Variants in CDC42BPA observed in about 807,000 individuals in gnomAD.
CDC42BPA encodes CDC42 binding protein kinase alpha, also known as serine/threonine-protein kinase MRCK alpha.
A neutral mutation model predicts 223.5 loss-of-function variants in CDC42BPA; 80 were observed. That is an observed-to-expected ratio of 0.36 (90% CI 0.30 to 0.43). CDC42BPA has a LOEUF of 0.43. Among genes scored for constraint, CDC42BPA ranks in the 20% least tolerant of loss-of-function variants. The pLI, the probability that CDC42BPA is intolerant of heterozygous loss-of-function variation, is 1.00. For missense variants in CDC42BPA, 1,743 were observed against 2,099.9 expected (o/e 0.83, Z 3.32); for synonymous variants, 694 against 718.6 (o/e 0.97, Z 0.55).
chr1:227,080,218 A>G (rs1427250973), intron 17 of CDC42BPA, among the ~76,000 whole-genome samples: 5 of 151,886 alleles, frequency 3.3e-5, no homozygotes, highest in African/African-American at 1.2e-4. Flanking sequence ...AAGTTAAATA[A>G]ATATAAAAAG....
intron 11 of CDC42BPA, among the ~76,000 whole-genome samples, chr1:227,127,102 TC>T (rs1689810083): frequency 6.6e-6 from 1 of 152,052 alleles, no homozygotes; most frequent in Admixed American, 6.6e-5. Flanking sequence ...CATATAAAAA[TC>T]AACTATATTT....
chr1:227,043,339 G>A (rs993971235), intron 23 of CDC42BPA, among the ~76,000 whole-genome samples: 1 of 151,368 alleles, frequency 6.6e-6, no homozygotes, highest in African/African-American at 2.4e-5. Context: ...CTTAAACCTG[G>A]TAGGCAGAGG....
intron 10 of CDC42BPA, among the ~76,000 whole-genome samples, chr1:227,129,694 A>AAAAAAAAAAAAAAAC: frequency 1.1e-5 from 1 of 88,388 alleles, no homozygotes; most frequent in Non-Finnish European, 2.4e-5. Flanking sequence ...AAAAAAAAAA[A>AAAAAAAAAAAAAAAC]TCCACTGCAT....
At chr1:227,069,636 T>G in intron 21 of CDC42BPA, 141 bp downstream of exon 21, 1 of 567,230 alleles carries the variant, frequency 1.8e-6, no homozygotes, top group Non-Finnish European at 3.2e-6. Flanking sequence ...CATATTCCTC[T>G]GCTAATATGT....
At chr1:227,146,701 T>A (rs1660768987) in intron 7 of CDC42BPA, among the ~76,000 whole-genome samples, 1 of 152,268 alleles carries the variant, frequency 6.6e-6, no homozygotes, top group African/African-American at 2.4e-5. Context: ...CTGTGTTGCT[T>A]CTAGTGTTCT....
intron 12 of CDC42BPA, 147 bp from the exon 13 acceptor site, chr1:227,113,060 T>C (rs1687180736): frequency 1.4e-6 from 1 of 710,146 alleles, no homozygotes; most frequent in South Asian, 1.8e-5. Context: ...TCTGAACAGA[T>C]ATTAACGGCA....
chr1:227,031,294 A>G lies in CDC42BPA; in HGVS notation c.3775+4T>C, dbSNP rs1669230988. ...ATAATATGATAAATGTTATAAATTCATACCTATGATTGCGGCTGCCTGGGT... is the reference window on the plus strand; with the variant it reads ...ATAATATGATAAATGTTATAAATTCGTACCTATGATTGCGGCTGCCTGGGT... On this transcript the variant is annotated splice_donor_region_variant and intron_variant, in intron 28 of 36. Coordinates refer to ENST00000366766, the MANE Select transcript of CDC42BPA (RefSeq NM_001394014.1). The G allele has an allele frequency of 6.2e-7, 1 of 1,601,700 alleles. No individual in the cohort carries two copies. The highest frequency in any genetic ancestry group is 1.7e-4 in the Middle Eastern group (1 of 6,028).
Position 227,034,656 on chromosome 1 carries a change from T to C in CDC42BPA, c.3475A>G (p.Arg1159Gly). The C allele has an allele frequency of 6.2e-7, 1 of 1,607,250 alleles. No individual in the cohort carries two copies. Among genetic ancestry groups the C allele is most frequent in the Non-Finnish European group, 8.5e-7 (1 of 1,176,908 alleles). ...ATAATTTTACCTTCAAACTCTTACC[T>C]CATGTCAATCACTTGACTAATGACA... ...SVVISQVIDM[R>G]DEEFSVSSVL... The change falls in exon 26 of 37, where the codon AGG becomes GGG. Residue 1159 changes from arginine (R) to glycine (G), a missense_variant and splice_region_variant. Transcript: ENST00000366766.
chr1:227,119,114 C>G (rs958242111), intron 12 of CDC42BPA, among the ~76,000 whole-genome samples: 1 of 152,078 alleles, frequency 6.6e-6, no homozygotes, highest in African/African-American at 2.4e-5. Context: ...TGCTATGCCA[C>G]AAACTACTGA....
chr1:227,113,664 G>T (rs1347169976), intron 12 of CDC42BPA, among the ~76,000 whole-genome samples: 1 of 151,898 alleles, frequency 6.6e-6, no homozygotes, highest in Non-Finnish European at 1.5e-5. Flanking sequence ...ATGACAAAAG[G>T]CTATTAAAAA....
intron 1 of CDC42BPA, among the ~76,000 whole-genome samples, chr1:227,315,167 C>A (rs1366307414): frequency 1.3e-5 from 2 of 151,990 alleles, no homozygotes; most frequent in East Asian, 1.9e-4. Context: ...TACTCTTTAT[C>A]CAGACTTCCA....
chr1:227,254,284 T>A lies in CDC42BPA; in HGVS notation c.179-129A>T, dbSNP rs1572659894. 5.4e-6 allele frequency: 3 copies of A among 554,000 alleles called. No individual in the cohort carries two copies. In the East Asian group the frequency reaches 9.7e-5, roughly 18 times the overall value. The allele number at this position is 554,000 out of a possible 1,614,324, so 34.3% of individuals were successfully genotyped here. A position where few individuals can be genotyped will look rare whatever the true frequency, so the allele number is the denominator to read the frequency against. On this transcript the variant is annotated intron_variant, in intron 1 of 36. Coordinates refer to ENST00000366766, the MANE Select transcript of CDC42BPA (RefSeq NM_001394014.1). ...TAAGAATTGTCAAAATATTTAAAAA[T>A]CCCAAACTATATGAGAATAAACAGA...
intron 1 of CDC42BPA, among the ~76,000 whole-genome samples, chr1:227,299,774 A>C (rs1196048755): frequency 1.3e-5 from 2 of 152,244 alleles, no homozygotes; most frequent in African/African-American, 4.8e-5. Context: ...ACCTTGAGCA[A>C]CAGAAGTAGT....
At chr1:227,025,791 G>T (rs895032388) in intron 31 of CDC42BPA, among the ~76,000 whole-genome samples, 1 of 152,082 alleles carries the variant, frequency 6.6e-6, no homozygotes, top group African/African-American at 2.4e-5. Context: ...ATTTTAAGTT[G>T]TAGGATATAT....
Position 227,029,084 on chromosome 1 carries a change from C to T in CDC42BPA, c.4005G>A (p.Gly1335=), listed in dbSNP as rs1423443071. The T allele has an allele frequency of 8.1e-6, 13 of 1,613,760 alleles. No homozygotes were observed. In the Admixed American group the frequency reaches 2.0e-4, roughly 25 times the overall value. ...CCTTTCCAGAAGTTACGGTTTGACA[C>T]CCTTTAGTTTCTGACAGCTTGTAAA... The part of the protein sequence containing the change: ...TDFYKLSETK[G]CQTVTSGKVR... The change falls in exon 30 of 37, where the codon GGG becomes GGA. Residue 1335 remains glycine (G), a synonymous_variant. Transcript: ENST00000366766.
At position 227,016,937 on chromosome 1, in the gene CDC42BPA, G is replaced by A. The variant is rs1245829453; in HGVS notation, c.4729C>T (p.Gln1577Ter). Reference sequence around the variant, plus strand: ...AGGTTAAGTATCTACCTCCTCTGCTGCATCCTTTCCTCTTCTGGGACTCTG... The same window carrying A: ...AGGTTAAGTATCTACCTCCTCTGCTACATCCTTTCCTCTTCTGGGACTCTG... Reference protein sequence around the residue: ...SFRVPEEERMQQRREMLRDPE... With the variant: ...SFRVPEEERM Residue 1577 changes from glutamine to a stop codon, truncating the protein, a stop_gained, in exon 33 of 37, where the codon CAG becomes TAG. Coordinates refer to ENST00000366766, the MANE Select transcript of CDC42BPA (RefSeq NM_001394014.1). LOFTEE classifies it high-confidence loss of function. 1 of 1,611,902 alleles carries A rather than the reference G, an allele frequency of 6.2e-7. No individual in the cohort carries two copies. The highest frequency in any genetic ancestry group is 8.5e-7 in the Non-Finnish European group (1 of 1,179,002).
chr1:227,288,893 C>T (rs1197476893), intron 1 of CDC42BPA, among the ~76,000 whole-genome samples: 1 of 152,060 alleles, frequency 6.6e-6, no homozygotes. Flanking sequence ...ATTTGGGAGG[C>T]TGAGGCAGGA....
rs557731788 is a variant in CDC42BPA, at chr1:227,236,471, T to A, written c.270+17593A>T. ...TATTCAAAGTTTTTGTATTTCCTCA[T>A]ACAAGTTCCATCTATCAAGTGTTAG... On this transcript the variant is annotated intron_variant, in intron 2 of 36. Coordinates refer to ENST00000366766, the MANE Select transcript of CDC42BPA (RefSeq NM_001394014.1). Among the ~76,000 whole-genome samples the A allele has an allele frequency of 6.0e-3, 917 of 152,346 alleles. 10 individuals are homozygous for A. Among genetic ancestry groups the A allele is most frequent in the African/African-American group, 0.021 (864 of 41,584 alleles).
chr1:227,268,878 G>GT (rs59671465), intron 1 of CDC42BPA, among the ~76,000 whole-genome samples: 46,581 of 151,414 alleles, frequency 0.31, 7,346 homozygotes, highest in East Asian at 0.37. Context: ...TAGAGACAGG[G>GT]TTTGCCATGT....
Sources: allele counts gnomAD v4.1 joint callset (sites outside exome capture counted in the v4.1 genomes callset), GRCh38; gene constraint gnomAD v4.1.1; transcripts MANE v1.5; gene names NCBI Gene and HGNC (gene_info 2026-07-23, HGNC 2026-07-21).